The following CAMK1D variants were observed in gnomAD, a reference collection of about 807,000 sequenced individuals.
CAMK1D encodes the protein calcium/calmodulin dependent protein kinase ID.
In CAMK1D, 9 loss-of-function variants were observed where a neutral mutation model predicts 47.7. The ratio of observed to expected loss-of-function variants is 0.19; its 90% CI spans 0.11 to 0.33. The LOEUF (loss-of-function observed/expected upper bound fraction) is 0.33, where lower values mean the gene tolerates loss of function less well. CAMK1D is among the 10% of genes least tolerant of loss of function. CAMK1D has a pLI of 1.00. For missense variants in CAMK1D, 291 were observed against 488.7 expected (o/e 0.60, Z 3.81); for synonymous variants, 184 against 184.9 (o/e 0.99, Z 0.04).
At chr10:12,604,770 G>C (rs1838400821) in intron 2 of CAMK1D, among the ~76,000 whole-genome samples, 1 of 151,984 alleles carries the variant, frequency 6.6e-6, no homozygotes, top group Non-Finnish European at 1.5e-5. Flanking sequence ...GAAGGAAGGA[G>C]TGACTACTTG....
At chr10:12,375,264 T>C (rs1047327058) in intron 1 of CAMK1D, among the ~76,000 whole-genome samples, 1 of 152,196 alleles carries the variant, frequency 6.6e-6, no homozygotes, top group Admixed American at 6.5e-5. Context: ...TCCCGAGTAA[T>C]GGAATTGTCT....
intron 1 of CAMK1D, among the ~76,000 whole-genome samples, chr10:12,395,646 G>A (rs1838916795): frequency 6.6e-6 from 1 of 152,078 alleles, no homozygotes; most frequent in African/African-American, 2.4e-5. Flanking sequence ...CAGGCGAAGT[G>A]GGTCACGCCT....
chr10:12,569,114 C>T (rs995758879), intron 2 of CAMK1D, among the ~76,000 whole-genome samples: 2 of 152,130 alleles, frequency 1.3e-5, no homozygotes, highest in Non-Finnish European at 2.9e-5. Flanking sequence ...AACAGATGGT[C>T]TACATGGCAA....
intron 2 of CAMK1D, among the ~76,000 whole-genome samples, chr10:12,649,597 A>G (rs1271635787): frequency 6.6e-6 from 1 of 152,246 alleles, no homozygotes; most frequent in Non-Finnish European, 1.5e-5. Context: ...CCAAAGAAAG[A>G]AACCCCAGAT....
chr10:12,828,659 GGCCCCCCC>G (rs1367675381), intron 10 of CAMK1D, 102 bp from the exon 11 acceptor site: 4 of 613,984 alleles, frequency 6.5e-6, no homozygotes, highest in African/African-American at 6.3e-5. Flanking sequence ...AAAAAAATTG[GGCCCCCCC>G]GCCCCCCACC....
At position 12,831,290 on chromosome 10, in the gene CAMK1D, A is replaced by T. The variant is rs368794234; in HGVS notation, c.*2403A>T. The T allele has an allele frequency of 2.0e-5, 3 of 152,256 alleles. No individual in the cohort carries two copies. Among genetic ancestry groups the T allele is most frequent in the East Asian group, 3.8e-4 (2 of 5,198 alleles). The allele number at this position is 152,256 out of a possible 1,614,324, so 9.4% of individuals were successfully genotyped here. Reference sequence around the variant, plus strand: ...TGGAGAACTAGGCGGTTGCTTACTAAGAAGTGTCTTGGAAACATTCGAGTT... The same window carrying T: ...TGGAGAACTAGGCGGTTGCTTACTATGAAGTGTCTTGGAAACATTCGAGTT... On this transcript the variant is annotated 3_prime_UTR_variant, in exon 11 of 11. Coordinates refer to ENST00000619168, the MANE Select transcript of CAMK1D (RefSeq NM_153498.4).
At position 12,552,258 on chromosome 10, in the gene CAMK1D, T is replaced by A. The variant is rs1036142276; in HGVS notation, c.93-967T>A. Among the ~76,000 whole-genome samples the A allele has an allele frequency of 3.9e-5, 6 of 152,272 alleles. 1 individual carries two copies. In the East Asian group the frequency reaches 1.2e-3, roughly 29 times the overall value. ...GTTGCTCTGCCGTTGCAGAGTGAAATGTGTATTTTCAGGCAGGACAGTCTT... is the reference window on the plus strand; with the variant it reads ...GTTGCTCTGCCGTTGCAGAGTGAAAAGTGTATTTTCAGGCAGGACAGTCTT... On this transcript the variant is annotated intron_variant, in intron 1 of 10. Coordinates refer to ENST00000619168, the MANE Select transcript of CAMK1D (RefSeq NM_153498.4).
chr10:12,695,055 GATAGA>G (rs1833219006), intron 3 of CAMK1D, among the ~76,000 whole-genome samples: 1 of 37,588 alleles, frequency 2.7e-5, no homozygotes, highest in South Asian at 1.2e-3. Context: ...TAGATAGATA[GATAGA>G]TAGATACATA....
intron 5 of CAMK1D, among the ~76,000 whole-genome samples, chr10:12,779,958 T>C (rs1406114716): frequency 6.6e-6 from 1 of 152,358 alleles, no homozygotes; most frequent in East Asian, 1.9e-4. Flanking sequence ...AATCGTTCAT[T>C]TCCTTCTGGA....
chr10:12,374,919 G>A (rs1395759838), intron 1 of CAMK1D, among the ~76,000 whole-genome samples: 1 of 147,906 alleles, frequency 6.8e-6, no homozygotes, highest in African/African-American at 2.5e-5. Flanking sequence ...CTCCAGCCTG[G>A]GTGACAGGGT....
intron 1 of CAMK1D, among the ~76,000 whole-genome samples, chr10:12,351,371 T>C (rs1564288245): frequency 6.6e-6 from 1 of 152,198 alleles, no homozygotes; most frequent in Non-Finnish European, 1.5e-5. Flanking sequence ...TCAAAACTTT[T>C]GAAAATTGCC....
chr10:12,594,922 G>A (rs568329600), intron 2 of CAMK1D, among the ~76,000 whole-genome samples: 10 of 152,212 alleles, frequency 6.6e-5, no homozygotes, highest in Non-Finnish European at 5.9e-5. Context: ...ATCCACTTGC[G>A]GAAAGCAGAA....
chr10:12,659,565 C>T (rs943910010), intron 2 of CAMK1D, among the ~76,000 whole-genome samples: 3 of 152,150 alleles, frequency 2.0e-5, no homozygotes, highest in African/African-American at 4.8e-5. Context: ...GACAATATCC[C>T]AATTTTCTCA....
chr10:12,602,362 G>C (rs1838327796), intron 2 of CAMK1D, among the ~76,000 whole-genome samples: 1 of 152,072 alleles, frequency 6.6e-6, no homozygotes, highest in Non-Finnish European at 1.5e-5. Flanking sequence ...CACAGCACCC[G>C]ATCCCCACTC....
At chr10:12,562,467 A>T (rs1182041298) in intron 2 of CAMK1D, among the ~76,000 whole-genome samples, 1 of 152,120 alleles carries the variant, frequency 6.6e-6, no homozygotes, top group Non-Finnish European at 1.5e-5. Flanking sequence ...GAGTATTTAA[A>T]TGCCTGTCTG....
Position 12,560,510 on chromosome 10 carries a change from A to G in CAMK1D, c.224+7154A>G, listed in dbSNP as rs1836902303. On this transcript the variant is annotated intron_variant, in intron 2 of 10. Coordinates refer to ENST00000619168, the MANE Select transcript of CAMK1D (RefSeq NM_153498.4). ...GGAAGTTGCAGGGAGCCAGGATCGC[A>G]CCACTGCACTTCAGCCTGGGCAACG... 3.4e-5 allele frequency among the ~76,000 whole-genome samples: 5 copies of G among 148,858 alleles called. No individual in the cohort carries two copies. In the Admixed American group the frequency reaches 3.4e-4, roughly 10 times the overall value.
At chr10:12,487,858 C>T (rs558874178) in intron 1 of CAMK1D, among the ~76,000 whole-genome samples, 8 of 152,144 alleles carry the variant, frequency 5.3e-5, no homozygotes, top group Non-Finnish European at 1.2e-4. Flanking sequence ...AACAAATTAC[C>T]TATAGCATAA....
Position 12,832,714 on chromosome 10 carries a change from GTC to G in CAMK1D, c.*3831_*3832del, listed in dbSNP as rs1253383768. 4 of 152,018 alleles carry G rather than the reference GTC, an allele frequency of 2.6e-5. No individual in the cohort carries two copies. The highest frequency in any genetic ancestry group is 7.2e-5 in the African/African-American group (3 of 41,390). The allele number at this position is 152,018 out of a possible 1,614,324, so 9.4% of individuals were successfully genotyped here. Reference sequence around the variant, plus strand: ...CATCTGACCTTGAGAACGGTGTAGAGTCTCTGAGCCACCGCTGGCCTTTGAGA... The same window carrying G: ...CATCTGACCTTGAGAACGGTGTAGAGTCTGAGCCACCGCTGGCCTTTGAGA... On this transcript the variant is annotated 3_prime_UTR_variant, in exon 11 of 11. Coordinates refer to ENST00000619168, the MANE Select transcript of CAMK1D (RefSeq NM_153498.4).
chr10:12,577,412 C>A (rs914245595), intron 2 of CAMK1D, among the ~76,000 whole-genome samples: 1 of 152,182 alleles, frequency 6.6e-6, no homozygotes, highest in Non-Finnish European at 1.5e-5. Context: ...GGATTCAGAT[C>A]GTTACAGGCC....
Sources: allele counts gnomAD v4.1 joint callset (sites outside exome capture counted in the v4.1 genomes callset), GRCh38; gene constraint gnomAD v4.1.1; transcripts MANE v1.5; gene names NCBI Gene and HGNC (gene_info 2026-07-23, HGNC 2026-07-21).